The following ADAD1 variants were observed in gnomAD, a reference collection of about 807,000 sequenced individuals.
The protein encoded by ADAD1 is adenosine deaminase domain containing 1.
Under a neutral mutation model 66.8 loss-of-function variants are expected in ADAD1, and 46 were observed. The ratio of observed to expected loss-of-function variants is 0.69; its 90% CI spans 0.54 to 0.88. The LOEUF is 0.88. ADAD1 is among the 40% of genes least tolerant of loss of function. The pLI is 0.00. For missense variants in ADAD1, 617 were observed against 681.8 expected (o/e 0.91, Z 1.06); for synonymous variants, 248 against 229.4 (o/e 1.08, Z -0.73).
chr4:122,400,585 A>G lies in ADAD1; in HGVS notation c.724+4208A>G, dbSNP rs546117944. On this transcript the variant is annotated intron_variant, in intron 7 of 12. Transcript: ENST00000296513. ...AATAGTTTCAGTAAGATTGGTACCA[A>G]TTCTTCTTTGAATGTCTGATAGAAT... is the stretch of plus-strand genomic sequence containing the variant. Among the ~76,000 whole-genome samples, 13 of 152,194 alleles carry G rather than the reference A, an allele frequency of 8.5e-5. No individual in the cohort carries two copies. The East Asian group carries it at 1.7e-3, about 20-fold the overall frequency.
chr4:122,404,855 A>G (rs1796136648), intron 7 of ADAD1, among the ~76,000 whole-genome samples: 1 of 152,160 alleles, frequency 6.6e-6, no homozygotes, highest in Non-Finnish European at 1.5e-5. Flanking sequence ...CAGTAGAGGA[A>G]GCATCACTCC....
chr4:122,409,513 T>TTCCC (rs1403942806), intron 8 of ADAD1, among the ~76,000 whole-genome samples: 1 of 152,214 alleles, frequency 6.6e-6, no homozygotes, highest in Non-Finnish European at 1.5e-5. Flanking sequence ...CTCAAGCATT[T>TTCCC]ATCTTGTGTT....
intron 8 of ADAD1, among the ~76,000 whole-genome samples, chr4:122,409,939 C>A (rs1796395742): frequency 6.6e-6 from 1 of 152,154 alleles, no homozygotes; most frequent in South Asian, 2.1e-4. Context: ...CTCGGCCTCC[C>A]AAAATGCTGG....
chr4:122,425,246 T>C (rs1797177466), intron 12 of ADAD1, among the ~76,000 whole-genome samples: 2 of 152,094 alleles, frequency 1.3e-5, no homozygotes, highest in South Asian at 4.1e-4. Context: ...GCAGAATATA[T>C]GTTCTTTTCA....
chr4:122,393,789 C>A, intron 6 of ADAD1, 132 bp downstream of exon 6: 4 of 596,472 alleles, frequency 6.7e-6, no homozygotes, highest in Non-Finnish European at 7.7e-6. Context: ...CACACTTCTA[C>A]AAAAAGAAGA....
At position 122,423,427 on chromosome 4, in the gene ADAD1, A is replaced by G. The variant is rs190032085; in HGVS notation, c.1617+2037A>G. On this transcript the variant is annotated intron_variant, in intron 12 of 12. Coordinates refer to ENST00000296513, the MANE Select transcript of ADAD1 (RefSeq NM_139243.4). ...AAAACTACACTCATGTGCAGGGAAT[A>G]CCCAAGAGAGCCCATCAAGGATACA... Among the ~76,000 whole-genome samples the G allele has an allele frequency of 4.8e-4, 73 of 152,276 alleles. No homozygotes were observed. In the East Asian group the frequency reaches 0.012, roughly 24 times the overall value.
intron 5 of ADAD1, among the ~76,000 whole-genome samples, chr4:122,390,745 C>T (rs1348051812): frequency 6.6e-6 from 1 of 152,176 alleles, no homozygotes; most frequent in Non-Finnish European, 1.5e-5. Flanking sequence ...TTCTAGTTAG[C>T]AATTCCTCTA....
At chr4:122,418,149 G>A (rs1334570228) in intron 11 of ADAD1, among the ~76,000 whole-genome samples, 1 of 151,770 alleles carries the variant, frequency 6.6e-6, no homozygotes, top group Non-Finnish European at 1.5e-5. Flanking sequence ...TAATAGATAA[G>A]GATGCAATCA....
rs191514449 is a variant in ADAD1, at chr4:122,425,720, A to G, written c.1618-3906A>G. 7.6e-3 allele frequency among the ~76,000 whole-genome samples: 1,142 copies of G among 151,248 alleles called. 11 individuals are homozygous for G. The highest frequency in any genetic ancestry group is 0.029 in the South Asian group (140 of 4,830). ...AAATAATCTAGGGATGATTTAAAGT[A>G]TATGAGAGAATGTACCTAGGTTATA... On this transcript the variant is annotated intron_variant, in intron 12 of 12. Transcript: ENST00000296513.
At chr4:122,412,397 T>C (rs1796506880) in intron 9 of ADAD1, among the ~76,000 whole-genome samples, 183 bp from the exon 10 acceptor site, 1 of 152,146 alleles carries the variant, frequency 6.6e-6, no homozygotes, top group African/African-American at 2.4e-5. Flanking sequence ...ATTTCTGTTT[T>C]ATAGTACTAT....
At chr4:122,388,413 A>T (rs965425017) in intron 5 of ADAD1, among the ~76,000 whole-genome samples, 1 of 151,982 alleles carries the variant, frequency 6.6e-6, no homozygotes, top group Non-Finnish European at 1.5e-5. Flanking sequence ...CTTCCTTTTC[A>T]ATTGTTTGGA....
chr4:122,418,917 T>C (rs1796879783), intron 11 of ADAD1, among the ~76,000 whole-genome samples: 1 of 152,174 alleles, frequency 6.6e-6, no homozygotes, highest in Admixed American at 6.5e-5. Context: ...GGAACACATA[T>C]ACACTATTGG....
In ADAD1 at chr4:122,380,542, A is replaced by G. The variant is rs45577739; in HGVS notation, c.172+301A>G. Reference sequence around the variant, plus strand: ...CTGGACTTACACTGGTCTGTATTCCACATAGCACTTAGCGTAGTGTTAAGT... The same window carrying G: ...CTGGACTTACACTGGTCTGTATTCCGCATAGCACTTAGCGTAGTGTTAAGT... On this transcript the variant is annotated intron_variant, in intron 3 of 12. Transcript: ENST00000296513. The G allele has an allele frequency of 1.7e-3, 635 of 379,476 alleles. 2 individuals are homozygous for G. The highest frequency in any genetic ancestry group is 2.4e-3 in the Non-Finnish European group (519 of 212,514). The allele number at this position is 379,476 out of a possible 1,614,324, so 23.5% of individuals were successfully genotyped here.
intron 12 of ADAD1, among the ~76,000 whole-genome samples, chr4:122,423,847 A>G (rs1663258971): frequency 6.6e-6 from 1 of 152,220 alleles, no homozygotes; most frequent in South Asian, 2.1e-4. Flanking sequence ...TTCAGGTGCT[A>G]GAGGAGGAAG....
chr4:122,426,738 AT>A (rs1269078278), intron 12 of ADAD1, among the ~76,000 whole-genome samples: 3 of 152,252 alleles, frequency 2.0e-5, no homozygotes, highest in Admixed American at 2.0e-4. Flanking sequence ...AATTTGTATA[AT>A]TATCTCAAAA....
intron 5 of ADAD1, among the ~76,000 whole-genome samples, chr4:122,389,909 G>A (rs999801466): frequency 6.6e-6 from 1 of 152,096 alleles, no homozygotes; most frequent in African/African-American, 2.4e-5. Flanking sequence ...GATGCTATTT[G>A]GTTATTTTGC....
At chr4:122,385,335 C>T (rs776301223) in intron 5 of ADAD1, among the ~76,000 whole-genome samples, 4 of 151,994 alleles carry the variant, frequency 2.6e-5, no homozygotes, top group Non-Finnish European at 4.4e-5. Context: ...TGCAGTGGTG[C>T]GATCTCTGCT....
At chr4:122,418,411 C>T (rs1796850788) in intron 11 of ADAD1, among the ~76,000 whole-genome samples, 1 of 149,388 alleles carries the variant, frequency 6.7e-6, no homozygotes, top group Non-Finnish European at 1.5e-5. Context: ...CCAGGTTCAC[C>T]TTCCTGGTTC....
Position 122,411,253 on chromosome 4 carries a change from A to G in ADAD1, c.880A>G (p.Ser294Gly). The G allele has an allele frequency of 6.2e-7, 1 of 1,607,696 alleles. No individual in the cohort carries two copies. The highest frequency in any genetic ancestry group is 8.5e-7 in the Non-Finnish European group (1 of 1,178,322). Residue 294 changes from serine to glycine, a missense_variant, in exon 9 of 13, where the codon AGC becomes GGC. By Grantham distance (56) the Ser-to-Gly change is moderately conservative. Transcript: ENST00000296513. ...TTATAGACAACTTCTGCTCTTCTAC[A>G]GCAAAAATCCTGCTATGATGGAAAA... is the stretch of plus-strand genomic sequence containing the variant. ...YFYRQLLLFY[S>G]KNPAMMEKSI...
Sources: allele counts gnomAD v4.1 joint callset (sites outside exome capture counted in the v4.1 genomes callset), GRCh38; gene constraint gnomAD v4.1.1; transcripts MANE v1.5; gene names NCBI Gene and HGNC (gene_info 2026-07-23, HGNC 2026-07-21).